The following SPRED2 variants were observed in gnomAD, a reference collection of about 807,000 sequenced individuals.
The protein encoded by SPRED2 is sprouty related EVH1 domain containing 2.
In SPRED2, 47 loss-of-function variants were observed where a neutral mutation model predicts 43.0. That is an observed-to-expected ratio of 1.09 (90% CI 0.87 to 1.40). SPRED2 has a LOEUF of 1.40. Among genes scored for constraint, SPRED2 ranks in the 40% most tolerant of loss-of-function variants. The pLI, the probability that SPRED2 is intolerant of heterozygous loss-of-function variation, is 0.00. For synonymous variants in SPRED2, 225 were observed against 225.7 expected, an observed-to-expected ratio of 1.00 and a Z score of 0.03; for missense variants, 561 against 586.4, an observed-to-expected ratio of 0.96 and a Z score of 0.45.
downstream of SPRED2, chr2:65,308,648 G>T: frequency 1.2e-6 from 1 of 808,630 alleles, no homozygotes; most frequent in Non-Finnish European, 1.5e-6. Context: ...TGTAACTAAA[G>T]CATATCATTT....
chr2:65,337,400 T>C (rs1233380180), intron 2 of SPRED2, among the ~76,000 whole-genome samples: 12 of 152,092 alleles, frequency 7.9e-5, no homozygotes, highest in African/African-American at 2.9e-4. Flanking sequence ...ATGTTCTTGT[T>C]CGAGACTTGA....
chr2:65,315,859 C>T (rs188368460), intron 5 of SPRED2, among the ~76,000 whole-genome samples: 225 of 152,270 alleles, frequency 1.5e-3, no homozygotes, highest in Middle Eastern at 0.01. Flanking sequence ...GGGGTTTCAC[C>T]GTGTTAACCA....
chr2:65,379,955 G>T (rs1165560236), intron 1 of SPRED2, among the ~76,000 whole-genome samples: 1 of 152,128 alleles, frequency 6.6e-6, no homozygotes, highest in Non-Finnish European at 1.5e-5. Context: ...ACCCCAGCTG[G>T]GTGTTGCTTT....
Position 65,393,458 on chromosome 2 carries a change from A to G in SPRED2, c.26+38504T>C, listed in dbSNP as rs111958324. On this transcript the variant is annotated intron_variant, in intron 1 of 5. Transcript: ENST00000356388. ...GTGATTCTCCTGCCTCAGCCTCCCG[A>G]GTAGCTGTGACTACACAGGCACGTG... Among the ~76,000 whole-genome samples the G allele has an allele frequency of 2.3e-3, 350 of 151,628 alleles. 4 individuals carry two copies. Among genetic ancestry groups the G allele is most frequent in the African/African-American group, 8.3e-3 (341 of 41,260 alleles).
downstream of SPRED2, chr2:65,308,662 C>T (rs986405495): frequency 1.7e-5 from 12 of 712,342 alleles, 1 homozygote; most frequent in Non-Finnish European, 2.1e-5. Flanking sequence ...ATCATTTAAC[C>T]TTCACGCCAG....
chr2:65,422,446 G>A (rs10153675), intron 1 of SPRED2, among the ~76,000 whole-genome samples: 64,847 of 151,936 alleles, frequency 0.43, 14,446 homozygotes, highest in African/African-American at 0.54. Flanking sequence ...CGAGAGCAGG[G>A]ACTTCCTGAG....
intron 1 of SPRED2, among the ~76,000 whole-genome samples, chr2:65,346,491 C>T (rs1352426937): frequency 1.3e-5 from 2 of 152,144 alleles, no homozygotes; most frequent in Non-Finnish European, 2.9e-5. Context: ...AAACTCTGTA[C>T]CTATGAAAAA....
intron 1 of SPRED2, among the ~76,000 whole-genome samples, chr2:65,413,550 G>A (rs1003133505): frequency 2.0e-5 from 3 of 152,218 alleles, no homozygotes; most frequent in African/African-American, 7.2e-5. Context: ...TATCGCTGCT[G>A]CAGAGGGCAG....
chr2:65,387,044 A>T (rs1558679877), intron 1 of SPRED2, among the ~76,000 whole-genome samples: 1 of 151,442 alleles, frequency 6.6e-6, no homozygotes, highest in South Asian at 2.1e-4. Flanking sequence ...AACGTAAAGT[A>T]TTCAGTGAAT....
chr2:65,421,859 A>G (rs1468559622), intron 1 of SPRED2, among the ~76,000 whole-genome samples: 2 of 152,206 alleles, frequency 1.3e-5, no homozygotes, highest in South Asian at 2.1e-4. Context: ...TATACGAGAA[A>G]ACTGAGGCCC....
At chr2:65,365,829 C>T (rs894511810) in intron 1 of SPRED2, among the ~76,000 whole-genome samples, 2 of 152,102 alleles carry the variant, frequency 1.3e-5, no homozygotes, top group African/African-American at 4.8e-5. Flanking sequence ...TGTGCTTTAA[C>T]TAGTCAGACA....
intron 1 of SPRED2, among the ~76,000 whole-genome samples, chr2:65,405,847 C>T (rs1215483974): frequency 6.6e-6 from 1 of 152,082 alleles, no homozygotes; most frequent in Non-Finnish European, 1.5e-5. Flanking sequence ...ACCCAGAGCA[C>T]TCCTATTTGA....
chr2:65,365,594 A>G (rs2104327539), intron 1 of SPRED2, among the ~76,000 whole-genome samples: 1 of 152,334 alleles, frequency 6.6e-6, no homozygotes, highest in African/African-American at 2.4e-5. Context: ...GCTGCTCCAC[A>G]AATGCTAAAT....
Position 65,312,089 on chromosome 2 carries a change from C to T in SPRED2, c.*1412G>A. On this transcript the variant is annotated 3_prime_UTR_variant, in exon 6 of 6. Transcript: ENST00000356388. ...TAGGTAACCACTCTTCACTTTTCTTCTTTCTTCAATAAGAAGATTTGGCTA... is the reference window on the plus strand; with the variant it reads ...TAGGTAACCACTCTTCACTTTTCTTTTTTCTTCAATAAGAAGATTTGGCTA... The T allele has an allele frequency of 1.0e-6, 1 of 985,410 alleles. No homozygotes were observed. Among genetic ancestry groups the T allele is most frequent in the Non-Finnish European group, 1.2e-6 (1 of 829,902 alleles). 61.0% of individuals were successfully genotyped at this position (985,410 alleles called of 1,614,324 possible). A position where few individuals can be genotyped will look rare whatever the true frequency, so the allele number is the denominator to read the frequency against.
intron 1 of SPRED2, among the ~76,000 whole-genome samples, chr2:65,381,933 T>G (rs1159738444): frequency 1.3e-5 from 2 of 152,332 alleles, no homozygotes; most frequent in East Asian, 3.9e-4. Flanking sequence ...AGGTTGGTTG[T>G]GGGTCTGCAC....
chr2:65,326,316 C>T (rs2104174778), intron 4 of SPRED2, among the ~76,000 whole-genome samples: 1 of 152,254 alleles, frequency 6.6e-6, no homozygotes, highest in East Asian at 1.9e-4. Context: ...AAGATTTTCC[C>T]CGCAATGTCT....
intron 1 of SPRED2, among the ~76,000 whole-genome samples, chr2:65,366,333 C>A (rs1171083302): frequency 9.5e-6 from 1 of 105,268 alleles, no homozygotes. Context: ...CAAAACATTT[C>A]TATCAGAATA....
intron 5 of SPRED2, 82 bp from the exon 6 acceptor site, chr2:65,314,251 C>T (rs777725376): frequency 1.6e-5 from 21 of 1,348,918 alleles, no homozygotes; most frequent in Non-Finnish European, 2.0e-5. Context: ...CTTCTCCCTC[C>T]CTAGCCGTCC....
At chr2:65,325,313 G>C (rs1460406420) in intron 4 of SPRED2, among the ~76,000 whole-genome samples, 2 of 152,210 alleles carry the variant, frequency 1.3e-5, no homozygotes, top group Non-Finnish European at 2.9e-5. Context: ...GTGGGCCTAC[G>C]TGTTTTGAAT....
Sources: allele counts gnomAD v4.1 joint callset (sites outside exome capture counted in the v4.1 genomes callset), GRCh38; gene constraint gnomAD v4.1.1; transcripts MANE v1.5; gene names NCBI Gene and HGNC (gene_info 2026-07-23, HGNC 2026-07-21).